NSD1: variants seen among roughly 807,000 people sequenced by gnomAD.
NSD1 encodes the protein histone-lysine N-methyltransferase, H3 lysine-36 specific.
NSD1 carries 26 observed loss-of-function variants against 242.7 expected under a neutral mutation model. The observed-to-expected ratio is 0.11, with a 90% CI of 0.08 to 0.15. NSD1 has a LOEUF of 0.15. Among genes scored for constraint, NSD1 ranks in the 10% least tolerant of loss-of-function variants. The pLI, the probability that NSD1 is intolerant of heterozygous loss-of-function variation, is 1.00. For synonymous variants in NSD1, 1,106 were observed against 1,178.1 expected (o/e 0.94, Z 1.25); for missense variants, 2,495 against 3,272.8 (o/e 0.76, Z 5.80).
chr5:177,178,162 C>T (rs899917486), intron 2 of NSD1, among the ~76,000 whole-genome samples: 7 of 152,082 alleles, frequency 4.6e-5, no homozygotes, highest in African/African-American at 1.7e-4. Flanking sequence ...TGCTAAAGTG[C>T]TTGAATTATA....
intron 2 of NSD1, among the ~76,000 whole-genome samples, chr5:177,152,319 G>GTGTATGTATGTA (rs57114836): frequency 1.6e-4 from 20 of 128,248 alleles, no homozygotes; most frequent in Middle Eastern, 4.0e-3. Flanking sequence ...TTGTGTGTGT[G>GTGTATGTATGTA]TGTATGTATG....
chr5:177,211,606 G>A lies in NSD1; in HGVS notation c.3207G>A (p.Gln1069=). The A allele has an allele frequency of 6.2e-7, 1 of 1,614,116 alleles. No homozygotes were observed. The highest frequency in any genetic ancestry group is 8.5e-7 in the Non-Finnish European group (1 of 1,180,026). The change falls in exon 5 of 23, where the codon CAG becomes CAA. Residue 1069 remains glutamine (Q), a synonymous_variant. Transcript: ENST00000439151. ...GTGTGACTCTTGATGCTGTACTGCA[G>A]GGAGACCGAGAACGTGGAGGTTCAT... ...LPSVTLDAVL[Q]GDRERGGSLR...
At chr5:177,184,613 T>C (rs1417546075) in intron 2 of NSD1, among the ~76,000 whole-genome samples, 1 of 152,052 alleles carries the variant, frequency 6.6e-6, no homozygotes, top group Non-Finnish European at 1.5e-5. Context: ...AGTGCAGCCT[T>C]GACCTCCCAA....
chr5:177,234,933 A>G (rs981490904), intron 5 of NSD1, among the ~76,000 whole-genome samples: 2 of 150,070 alleles, frequency 1.3e-5, no homozygotes, highest in Non-Finnish European at 3.0e-5. Flanking sequence ...ACAGCATCAT[A>G]GATGGAGACA....
intron 3 of NSD1, among the ~76,000 whole-genome samples, chr5:177,198,270 C>T (rs1490141490): frequency 6.6e-6 from 1 of 152,162 alleles, no homozygotes; most frequent in Non-Finnish European, 1.5e-5. Flanking sequence ...AAGTGATCCT[C>T]CCGCCTTGGC....
intron 3 of NSD1, among the ~76,000 whole-genome samples, chr5:177,201,864 GTTTAAC>G (rs1762532560): frequency 6.7e-6 from 1 of 149,994 alleles, no homozygotes; most frequent in Admixed American, 6.6e-5. Flanking sequence ...TGGCCAAACT[GTTTAAC>G]TTTAAAAGTT....
rs34417228 is a variant in NSD1, at chr5:177,156,174, A to ATTTTTTTT, written c.927+20162_927+20169dup. Among the ~76,000 whole-genome samples, 56 of 78,020 alleles carry ATTTTTTTT rather than the reference A, an allele frequency of 7.2e-4. 1 individual carries two copies. The highest frequency in any genetic ancestry group is 7.7e-4 in the Non-Finnish European group (34 of 44,342). The allele number at this position is 78,020 out of a possible 152,430, so 51.2% of individuals were successfully genotyped here. ...CGTACTCTTCCCTCGCTCTTTTCAG[A>ATTTTTTTT]TTTTTTTTTTTTTTTTTTTTTTTTT... On this transcript the variant is annotated intron_variant, in intron 2 of 22. Transcript: ENST00000439151.
chr5:177,207,622 T>TTTTA (rs1562201667), intron 4 of NSD1, among the ~76,000 whole-genome samples: 2 of 145,014 alleles, frequency 1.4e-5, no homozygotes, highest in African/African-American at 2.5e-5. Context: ...TTTTTTTTTT[T>TTTTA]AGAGAAGGGG....
intron 2 of NSD1, among the ~76,000 whole-genome samples, chr5:177,174,100 C>T (rs1397839887): frequency 6.6e-6 from 1 of 150,642 alleles, no homozygotes; most frequent in Non-Finnish European, 1.5e-5. Context: ...GGCGCGGTGG[C>T]TCACGCCTGT....
At chr5:177,284,184 AT>A (rs1471013947) in intron 20 of NSD1, among the ~76,000 whole-genome samples, 3 of 152,204 alleles carry the variant, frequency 2.0e-5, no homozygotes, top group African/African-American at 7.2e-5. Context: ...GGCAACTACC[AT>A]TCTACTTTCT....
At chr5:177,167,033 A>G (rs1022986800) in intron 2 of NSD1, among the ~76,000 whole-genome samples, 13 of 151,570 alleles carry the variant, frequency 8.6e-5, no homozygotes, top group Admixed American at 4.6e-4. Context: ...GGTGTGAGCT[A>G]CTGGGCAAGG....
At chr5:177,212,656 A>G (rs956794182) in intron 5 of NSD1, among the ~76,000 whole-genome samples, 4 of 151,816 alleles carry the variant, frequency 2.6e-5, no homozygotes, top group Admixed American at 6.6e-5. Flanking sequence ...TAAAATCCCC[A>G]AGCTTTTTGG....
intron 5 of NSD1, among the ~76,000 whole-genome samples, chr5:177,233,627 A>G (rs1048219090): frequency 6.6e-6 from 1 of 150,488 alleles, no homozygotes; most frequent in Non-Finnish European, 1.5e-5. Context: ...ACCTGCCCCA[A>G]AGGCATGAAT....
chr5:177,249,568 GCCATTCTCCTGCCTCAGCCTC>G lies in NSD1; in HGVS notation c.4641+1267_4641+1287del, dbSNP rs201214714. On this transcript the variant is annotated intron_variant, in intron 11 of 22. Transcript: ENST00000439151. ...TGCAAGCTCCGCCTCCTGGGTTCAC[GCCATTCTCCTGCCTCAGCCTC>G]CCATTCTCCTGCCTCAGCCTCCTGA... Among the ~76,000 whole-genome samples the G allele has an allele frequency of 1.7e-3, 260 of 152,162 alleles. 6 individuals are homozygous for G. The East Asian group carries it at 0.043, about 25-fold the overall frequency.
chr5:177,201,255 G>A (rs2149833051), intron 3 of NSD1, among the ~76,000 whole-genome samples: 1 of 151,272 alleles, frequency 6.6e-6, no homozygotes, highest in Admixed American at 6.6e-5. Context: ...TGTCTCCCAG[G>A]CTGGAGTGCA....
intron 2 of NSD1, among the ~76,000 whole-genome samples, chr5:177,186,456 G>GT (rs1273082429): frequency 1.3e-5 from 2 of 151,884 alleles, no homozygotes; most frequent in Admixed American, 6.6e-5. Context: ...ACCGGTTTAG[G>GT]TTTTTTTAAA....
In NSD1 at chr5:177,210,708, G is replaced by A. The variant is rs375566261; in HGVS notation, c.2309G>A (p.Gly770Asp). Residue 770 changes from glycine (G) to aspartate (D), a missense_variant, in exon 5 of 23, where the codon GGT becomes GAT. Gly to Asp is a moderately conservative substitution (Grantham distance 94, BLOSUM62 -1). Around this residue, in one of 19 missense-constraint regions of NSD1, gnomAD observed 515 missense variants for 467.0 expected, o/e 1.10. Transcript: ENST00000439151. ...SISSENSLIK[G>D]GAANQALLHS... ...TCCAGTGAGAACTCGTTAATAAAGG[G>A]TGGGGCAGCAAATCAAGCTCTATTA... 1.2e-6 allele frequency: 2 copies of A among 1,614,062 alleles called. No individual in the cohort carries two copies. The highest frequency in any genetic ancestry group is 2.7e-5 in the African/African-American group (2 of 74,932).
chr5:177,232,233 C>T (rs1045449744), intron 5 of NSD1, among the ~76,000 whole-genome samples: 2 of 152,080 alleles, frequency 1.3e-5, no homozygotes, highest in African/African-American at 2.4e-5. Context: ...AGTAATACAA[C>T]CATATGATAC....
At chr5:177,137,337 A>G (rs1044421882) in intron 2 of NSD1, 4 of 157,212 alleles carry the variant, frequency 2.5e-5, no homozygotes, top group African/African-American at 4.8e-5. Context: ...TACCACATTC[A>G]GTTTTTATAA....
Sources: gnomAD v4.1 joint callset for allele counts (sites outside exome capture counted in the v4.1 genomes callset) on GRCh38, gnomAD v4.1.1 for gene constraint, gnomAD v4.1.1 regional missense constraint, MANE v1.5 for transcripts, NCBI Gene and HGNC (gene_info 2026-07-23, HGNC 2026-07-21) for gene names.